Variants in PCDH15 observed in about 807,000 individuals in gnomAD.
PCDH15 encodes protocadherin related 15, also known as protocadherin-15.
A neutral mutation model predicts 178.5 loss-of-function variants in PCDH15; 129 were observed. That is an observed-to-expected ratio of 0.72 (90% CI 0.63 to 0.84). The LOEUF (loss-of-function observed/expected upper bound fraction) is 0.84. Among genes scored for constraint, PCDH15 ranks in the 40% least tolerant of loss-of-function variants. PCDH15 has a pLI of 0.00. For synonymous variants in PCDH15, 800 were observed against 732.0 expected, an observed-to-expected ratio of 1.09 and a Z score of -1.50; for missense variants, 2,230 against 2,099.9, an observed-to-expected ratio of 1.06 and a Z score of -1.21.
At chr10:54,961,088 A>C (rs1416422082) in intron 2 of PCDH15, among the ~76,000 whole-genome samples, 1 of 152,226 alleles carries the variant, frequency 6.6e-6, no homozygotes, top group Non-Finnish European at 1.5e-5. Flanking sequence ...GATGGTTGTG[A>C]CTGCCCGTCT....
chr10:54,146,284 T>G (rs943817078), intron 14 of PCDH15, among the ~76,000 whole-genome samples: 3 of 152,026 alleles, frequency 2.0e-5, no homozygotes, highest in Admixed American at 1.3e-4. Flanking sequence ...CATCTCATAT[T>G]AATTAAACAT....
intron 2 of PCDH15, among the ~76,000 whole-genome samples, chr10:55,467,544 T>C (rs1014993458): frequency 2.6e-5 from 4 of 152,162 alleles, no homozygotes; most frequent in Non-Finnish European, 5.9e-5. Context: ...CCATATTTTA[T>C]CACTGTTAGT....
intron 18 of PCDH15, among the ~76,000 whole-genome samples, chr10:54,047,441 T>C (rs2093678700): frequency 6.6e-6 from 1 of 151,982 alleles, no homozygotes; most frequent in South Asian, 2.1e-4. Flanking sequence ...GGATGGTACA[T>C]GTGTAGGTTT....
upstream of PCDH15, among the ~76,000 whole-genome samples, chr10:55,320,179 T>G (rs1198241115): frequency 6.6e-6 from 1 of 152,164 alleles, no homozygotes; most frequent in Admixed American, 6.5e-5. Context: ...ACCTTGCTGC[T>G]TGTTCTCTAC....
intron 2 of PCDH15, among the ~76,000 whole-genome samples, chr10:54,963,444 G>A (rs765796755): frequency 2.0e-5 from 3 of 151,426 alleles, no homozygotes; most frequent in African/African-American, 4.9e-5. Flanking sequence ...TTTACCTCCC[G>A]TATTTTTGTT....
intron 2 of PCDH15, among the ~76,000 whole-genome samples, chr10:54,995,862 A>C (rs1011687019): frequency 1.3e-5 from 2 of 151,576 alleles, no homozygotes; most frequent in African/African-American, 4.9e-5. Context: ...TCTTCCTTAC[A>C]TCTCCCTAAT....
chr10:54,346,304 G>C, intron 6 of PCDH15, 61 bp downstream of exon 6: 1 of 1,526,932 alleles, frequency 6.5e-7, no homozygotes, highest in Non-Finnish European at 9.0e-7. Flanking sequence ...ACTATCAGCT[G>C]AAAAAATCAT....
At position 54,083,766 on chromosome 10, in the gene PCDH15, T is replaced by C. The variant is rs554998601; in HGVS notation, c.1998-4342A>G. Among the ~76,000 whole-genome samples the C allele has an allele frequency of 2.6e-5, 4 of 152,248 alleles. No individual in the cohort carries two copies. The South Asian group carries it at 8.3e-4, about 32-fold the overall frequency. ...CACTGAATTGTTCACTTTAAAATGGTTAATTTTGTGCTATGTGAATTTTGC... is the reference window on the plus strand; with the variant it reads ...CACTGAATTGTTCACTTTAAAATGGCTAATTTTGTGCTATGTGAATTTTGC... On this transcript the variant is annotated intron_variant, in intron 16 of 37. Coordinates refer to ENST00000644397, the MANE Select transcript of PCDH15 (RefSeq NM_001384140.1).
chr10:55,260,023 G>T (rs568248437), intron 1 of PCDH15, among the ~76,000 whole-genome samples: 1 of 151,330 alleles, frequency 6.6e-6, no homozygotes, highest in Non-Finnish European at 1.5e-5. Flanking sequence ...ATGGTTAATG[G>T]TATAAGTTTG....
chr10:54,755,324 A>C (rs1946928450), intron 1 of PCDH15, among the ~76,000 whole-genome samples: 1 of 152,124 alleles, frequency 6.6e-6, no homozygotes, highest in African/African-American at 2.4e-5. Context: ...GGAAATAATT[A>C]ATATAATTTG....
At chr10:54,247,859 CTCTT>C (rs559567475) in intron 8 of PCDH15, among the ~76,000 whole-genome samples, 345 of 145,814 alleles carry the variant, frequency 2.4e-3, no homozygotes, top group African/African-American at 8.8e-3. Context: ...CAGAGCAAGA[CTCTT>C]TCTCAAAAAA....
chr10:54,665,656 G>A (rs2094559932), intron 1 of PCDH15, among the ~76,000 whole-genome samples: 1 of 151,886 alleles, frequency 6.6e-6, no homozygotes, highest in African/African-American at 2.4e-5. Flanking sequence ...CACAGTTCTT[G>A]ACTTTAAAAG....
At chr10:55,138,407 G>C (rs993817548) in intron 2 of PCDH15, among the ~76,000 whole-genome samples, 1 of 152,022 alleles carries the variant, frequency 6.6e-6, no homozygotes, top group East Asian at 1.9e-4. Flanking sequence ...TCCCTTATTT[G>C]CAACTCTAAT....
intron 9 of PCDH15, among the ~76,000 whole-genome samples, chr10:54,233,083 A>T (rs1564744546): frequency 6.6e-6 from 1 of 151,994 alleles, no homozygotes; most frequent in Non-Finnish European, 1.5e-5. Context: ...AGCTGAGGCC[A>T]CAGGTGCACA....
chr10:54,113,936 G>C (rs2095069057), intron 15 of PCDH15, among the ~76,000 whole-genome samples: 1 of 152,100 alleles, frequency 6.6e-6, no homozygotes, highest in African/African-American at 2.4e-5. Flanking sequence ...GCAGGCAAGA[G>C]AGAGAGCATG....
intron 1 of PCDH15, among the ~76,000 whole-genome samples, chr10:55,258,077 T>G (rs1156775641): frequency 6.6e-6 from 1 of 152,198 alleles, no homozygotes; most frequent in African/African-American, 2.4e-5. Context: ...CACAATATGC[T>G]ATAGAAGATT....
intron 26 of PCDH15, among the ~76,000 whole-genome samples, chr10:53,893,596 C>T (rs1051679518): frequency 6.6e-6 from 1 of 152,012 alleles, no homozygotes; most frequent in African/African-American, 2.4e-5. Flanking sequence ...ATATATACAC[C>T]ATTGAATACT....
At chr10:53,998,072 C>T (rs1314968149) in intron 20 of PCDH15, among the ~76,000 whole-genome samples, 1 of 152,138 alleles carries the variant, frequency 6.6e-6, no homozygotes, top group Non-Finnish European at 1.5e-5. Flanking sequence ...GGCTTCTGTG[C>T]AAATGTTCTC....
At chr10:54,112,549 G>A (rs986772646) in intron 15 of PCDH15, among the ~76,000 whole-genome samples, 1 of 152,118 alleles carries the variant, frequency 6.6e-6, no homozygotes, top group Non-Finnish European at 1.5e-5. Context: ...TATGCTTCCT[G>A]AAGTCAGAGT....
Sources: allele counts gnomAD v4.1 joint callset (sites outside exome capture counted in the v4.1 genomes callset), GRCh38; gene constraint gnomAD v4.1.1; transcripts MANE v1.5; gene names NCBI Gene and HGNC (gene_info 2026-07-23, HGNC 2026-07-21).